ASNS: variants seen among roughly 807,000 people sequenced by gnomAD.
The protein encoded by ASNS is asparagine synthetase [glutamine-hydrolyzing].
Under a neutral mutation model 62.6 loss-of-function variants are expected in ASNS, and 37 were observed. The observed-to-expected ratio is 0.59, with a 90% CI of 0.45 to 0.78. The LOEUF is 0.78. Among genes scored for constraint, ASNS ranks in the 30% least tolerant of loss-of-function variants. ASNS has a pLI of 0.00. For missense variants in ASNS, 520 were observed against 682.4 expected, an observed-to-expected ratio of 0.76 and a Z score of 2.65; for synonymous variants, 207 against 237.9, an observed-to-expected ratio of 0.87 and a Z score of 1.19.
chr7:97,854,453 C>T, intron 10 of ASNS, 127 bp downstream of exon 10: 3 of 1,124,684 alleles, frequency 2.7e-6, no homozygotes, highest in African/African-American at 1.6e-5. Context: ...TAACATATAG[C>T]CAACTATATG....
upstream of ASNS, among the ~76,000 whole-genome samples, chr7:97,872,807 T>G (rs1792350652): frequency 6.6e-6 from 1 of 152,224 alleles, no homozygotes; most frequent in African/African-American, 2.4e-5. Context: ...ATAAGATCTA[T>G]TAATAAATCG....
chr7:97,898,086 C>T, the ASNS span, among the ~76,000 whole-genome samples: 1 of 151,928 alleles, frequency 6.6e-6, no homozygotes, highest in East Asian at 1.9e-4. Flanking sequence ...TGCCACCAAG[C>T]GCGGATACTT....
At chr7:97,918,874 C>T in the ASNS span, among the ~76,000 whole-genome samples, 1 of 152,030 alleles carries the variant, frequency 6.6e-6, no homozygotes, top group Non-Finnish European at 1.5e-5. Flanking sequence ...CAGCAAACCA[C>T]CATGGCACAT....
At chr7:97,859,548 T>C (rs1024482004) in intron 4 of ASNS, 150 bp from the exon 5 acceptor site, 29 of 807,764 alleles carry the variant, frequency 3.6e-5, no homozygotes, top group Middle Eastern at 3.9e-4. Flanking sequence ...AAATTTTCTA[T>C]TTTCCTAAGC....
the ASNS span, among the ~76,000 whole-genome samples, chr7:97,883,975 G>C: frequency 7.7e-6 from 1 of 130,680 alleles, no homozygotes; most frequent in African/African-American, 3.2e-5. Context: ...GCGACAGAGT[G>C]AGACTCCATC....
chr7:97,919,492 C>A, the ASNS span, among the ~76,000 whole-genome samples: 2 of 152,210 alleles, frequency 1.3e-5, no homozygotes, highest in Non-Finnish European at 2.9e-5. Flanking sequence ...GCTTACCCCT[C>A]CATCAGGACA....
chr7:97,916,899 TGAA>T, the ASNS span, among the ~76,000 whole-genome samples: 9 of 152,162 alleles, frequency 5.9e-5, no homozygotes. Context: ...TCAGACCCTA[TGAA>T]GAAGACAGGA....
At chr7:97,872,486 G>C (rs1170482473), upstream of ASNS, 2 of 152,544 alleles carry the variant, frequency 1.3e-5, no homozygotes, top group Non-Finnish European at 2.9e-5. Flanking sequence ...ATGCCTGCGA[G>C]GACCAACCAG....
chr7:97,889,793 C>T, the ASNS span, among the ~76,000 whole-genome samples: 1 of 151,532 alleles, frequency 6.6e-6, no homozygotes, highest in Non-Finnish European at 1.5e-5. Context: ...GGAAACATAA[C>T]ATCTCCAAAG....
the ASNS span, chr7:97,899,170 C>T: frequency 2.9e-5 from 8 of 272,982 alleles, no homozygotes; most frequent in African/African-American, 8.9e-5. Flanking sequence ...TTGGTAGAGA[C>T]GGGATTTCAC....
chr7:97,857,644 A>T (rs1791514275), intron 7 of ASNS, among the ~76,000 whole-genome samples: 1 of 151,550 alleles, frequency 6.6e-6, no homozygotes, highest in Admixed American at 6.6e-5. Flanking sequence ...AAAACGAACA[A>T]AAAACCCGTT....
the ASNS span, among the ~76,000 whole-genome samples, chr7:97,884,959 C>T: frequency 6.6e-6 from 1 of 152,186 alleles, no homozygotes; most frequent in Non-Finnish European, 1.5e-5. Context: ...AGTGCAGTGG[C>T]ACAATCTCGG....
chr7:97,902,274 G>A, the ASNS span, among the ~76,000 whole-genome samples: 1 of 152,206 alleles, frequency 6.6e-6, no homozygotes, highest in South Asian at 2.1e-4. Context: ...TCATTTCAGA[G>A]TAGTTCAAAT....
At chr7:97,882,308 G>A in the ASNS span, among the ~76,000 whole-genome samples, 996 of 152,226 alleles carry the variant, frequency 6.5e-3, 11 homozygotes, top group South Asian at 0.024. Context: ...TAGCACTTTC[G>A]GAAGCCGAGG....
the ASNS span, among the ~76,000 whole-genome samples, chr7:97,895,113 GCA>G: frequency 6.6e-6 from 1 of 152,188 alleles, no homozygotes; most frequent in African/African-American, 2.4e-5. Flanking sequence ...AAGATGAAAG[GCA>G]AAAACTATCT....
the ASNS span, among the ~76,000 whole-genome samples, chr7:97,880,934 T>TGTTTG: frequency 7.3e-5 from 11 of 150,274 alleles, no homozygotes; most frequent in African/African-American, 1.2e-4. Context: ...TGTGTGTGTG[T>TGTTTG]TTTTGTTTTG....
chr7:97,925,314 A>C, the ASNS span, among the ~76,000 whole-genome samples: 2 of 152,120 alleles, frequency 1.3e-5, no homozygotes, highest in South Asian at 4.1e-4. Context: ...ATTGCTCATA[A>C]AGGGTACAGC....
At chr7:97,880,053 A>T in the ASNS span, among the ~76,000 whole-genome samples, 2 of 152,014 alleles carry the variant, frequency 1.3e-5, no homozygotes, top group Non-Finnish European at 2.9e-5. Flanking sequence ...ACATATACCA[A>T]ATGTATTTCT....
chr7:97,916,380 T>A, the ASNS span, among the ~76,000 whole-genome samples: 1 of 151,680 alleles, frequency 6.6e-6, no homozygotes, highest in Non-Finnish European at 1.5e-5. Flanking sequence ...AAACTCCGTC[T>A]CAAAAAAGAA....
Sources: allele counts gnomAD v4.1 joint callset (sites outside exome capture counted in the v4.1 genomes callset), GRCh38; gene constraint gnomAD v4.1.1; transcripts MANE v1.5; gene names NCBI Gene and HGNC (gene_info 2026-07-23, HGNC 2026-07-21).